The following NRXN1 variants were observed in gnomAD, a reference collection of about 807,000 sequenced individuals.
NRXN1 encodes the protein neurexin 1.
In NRXN1, 39 loss-of-function variants were observed where a neutral mutation model predicts 150.9. That is an observed-to-expected ratio of 0.26 (90% CI 0.20 to 0.34). The LOEUF (loss-of-function observed/expected upper bound fraction) is 0.34. Ranked by LOEUF, NRXN1 falls within the 10% of genes least tolerant of loss-of-function variation. The probability of loss-of-function intolerance (pLI) is 1.00; values close to 1 mark genes in which losing one functional copy is unlikely to be tolerated. For missense variants in NRXN1, 1,815 were observed against 1,949.9 expected (o/e 0.93, Z 1.30); for synonymous variants, 924 against 757.0 (o/e 1.22, Z -3.62).
intron 13 of NRXN1, among the ~76,000 whole-genome samples, chr2:50,503,657 G>GT (rs559383507): frequency 3.3e-4 from 51 of 152,270 alleles, no homozygotes; most frequent in African/African-American, 1.2e-3. Flanking sequence ...TGTGGAAGGA[G>GT]TGCTGGAGTT....
rs1431563524 is a variant in NRXN1, at chr2:51,028,909, G to C, written c.-636C>G. ...AACCCGAGGATAGCTTCAAAGGCCT[G>C]CTTCTTCTGTCATAGCATGGGCTTC... On this transcript the variant is annotated 5_prime_UTR_variant, in exon 2 of 23. Coordinates refer to ENST00000401669, the MANE Select transcript of NRXN1 (RefSeq NM_001330078.2). The C allele has an allele frequency of 6.6e-6, 1 of 152,200 alleles. No homozygotes were observed. The highest frequency in any genetic ancestry group is 1.5e-5 in the Non-Finnish European group (1 of 68,058). The allele number at this position is 152,200 out of a possible 1,614,324, so 9.4% of individuals were successfully genotyped here.
In NRXN1 at chr2:50,219,998, ATATTATATAATATAT is replaced by A. The variant is rs1559116459; in HGVS notation, c.3546+16776_3546+16790del. Among the ~76,000 whole-genome samples, 142 of 39,476 alleles carry A rather than the reference ATATTATATAATATAT, an allele frequency of 3.6e-3. 1 individual carries two copies. The highest frequency in any genetic ancestry group is 0.016 in the African/African-American group (133 of 8,368). The allele number at this position is 39,476 out of a possible 152,430, so 25.9% of individuals were successfully genotyped here. A position where few individuals can be genotyped will look rare whatever the true frequency, so the allele number is the denominator to read the frequency against. On this transcript the variant is annotated intron_variant, in intron 18 of 22. Coordinates refer to ENST00000401669, the MANE Select transcript of NRXN1 (RefSeq NM_001330078.2). Reference sequence around the variant, plus strand: ...ATAATATATATATTATATATAATATATATTATATAATATATTATATATATATATAAAGAAAATATT... The same window carrying A: ...ATAATATATATATTATATATAATATATATATATATATATAAAGAAAATATT...
intron 2 of NRXN1, among the ~76,000 whole-genome samples, chr2:50,997,267 C>T (rs1367300232): frequency 6.6e-6 from 1 of 151,840 alleles, no homozygotes; most frequent in Non-Finnish European, 1.5e-5. Flanking sequence ...AACCCCATCT[C>T]TACAAAAAAT....
intron 19 of NRXN1, among the ~76,000 whole-genome samples, chr2:50,077,647 C>G (rs1404252826): frequency 6.6e-6 from 1 of 152,060 alleles, no homozygotes; most frequent in Non-Finnish European, 1.5e-5. Context: ...GGCATGTTAT[C>G]AATTAGGTGA....
intron 5 of NRXN1, among the ~76,000 whole-genome samples, chr2:50,790,032 C>G (rs1033130090): frequency 6.6e-6 from 1 of 151,966 alleles, no homozygotes; most frequent in African/African-American, 2.4e-5. Flanking sequence ...ACATGCTGGC[C>G]TCTCATATTT....
At chr2:50,779,599 T>A (rs1574448709) in intron 5 of NRXN1, among the ~76,000 whole-genome samples, 1 of 151,914 alleles carries the variant, frequency 6.6e-6, no homozygotes, top group Non-Finnish European at 1.5e-5. Context: ...AAACCCCATC[T>A]CTACTAAAAA....
chr2:50,703,518 T>G (rs1280379768), intron 5 of NRXN1, among the ~76,000 whole-genome samples: 1 of 152,140 alleles, frequency 6.6e-6, no homozygotes, highest in African/African-American at 2.4e-5. Flanking sequence ...TCATATGTTA[T>G]AGTCCATTTG....
At chr2:50,172,120 G>T (rs1235735434) in intron 18 of NRXN1, among the ~76,000 whole-genome samples, 1 of 151,982 alleles carries the variant, frequency 6.6e-6, no homozygotes, top group African/African-American at 2.4e-5. Context: ...GAAGATAATG[G>T]GGTTATTATA....
intron 2 of NRXN1, among the ~76,000 whole-genome samples, chr2:51,014,773 G>GA (rs934771595): frequency 6.1e-4 from 93 of 152,030 alleles, no homozygotes; most frequent in African/African-American, 2.2e-3. Flanking sequence ...TATCAAATGA[G>GA]AAAAAAGTCA....
intron 21 of NRXN1, among the ~76,000 whole-genome samples, chr2:49,983,520 T>A (rs1332329926): frequency 6.6e-6 from 1 of 152,164 alleles, no homozygotes; most frequent in Non-Finnish European, 1.5e-5. Context: ...TCTACATTTT[T>A]AATACCTTTG....
intron 5 of NRXN1, among the ~76,000 whole-genome samples, chr2:50,793,059 G>A (rs1056350629): frequency 2.0e-5 from 3 of 152,136 alleles, no homozygotes; most frequent in African/African-American, 4.8e-5. Context: ...ATTAGTTAAC[G>A]AGAGACATTT....
At chr2:50,093,666 C>T (rs183243371) in intron 18 of NRXN1, among the ~76,000 whole-genome samples, 1 of 152,034 alleles carries the variant, frequency 6.6e-6, no homozygotes, top group Non-Finnish European at 1.5e-5. Flanking sequence ...ATTACCCTAT[C>T]TACATGGACC....
At chr2:50,654,381 A>G (rs972782900) in intron 5 of NRXN1, among the ~76,000 whole-genome samples, 1 of 151,934 alleles carries the variant, frequency 6.6e-6, no homozygotes, top group Non-Finnish European at 1.5e-5. Context: ...AGGGCTGCAT[A>G]GTATTCCATG....
intron 5 of NRXN1, among the ~76,000 whole-genome samples, chr2:50,742,522 C>T (rs1378765891): frequency 6.7e-6 from 1 of 149,554 alleles, no homozygotes; most frequent in Non-Finnish European, 1.5e-5. Flanking sequence ...GCAGGAGAAT[C>T]GTTTGAGCCC....
intron 5 of NRXN1, among the ~76,000 whole-genome samples, chr2:50,770,561 A>G (rs1487028250): frequency 6.6e-6 from 1 of 152,056 alleles, no homozygotes; most frequent in African/African-American, 2.4e-5. Context: ...TAATTTTTAG[A>G]TCATTTATCA....
At chr2:50,425,527 G>A (rs980399919) in intron 17 of NRXN1, among the ~76,000 whole-genome samples, 8 of 152,140 alleles carry the variant, frequency 5.3e-5, no homozygotes, top group African/African-American at 1.9e-4. Flanking sequence ...GGCAGAGATG[G>A]AAGAGGTGGA....
intron 5 of NRXN1, among the ~76,000 whole-genome samples, chr2:50,799,284 C>T (rs573638306): frequency 6.6e-6 from 1 of 152,206 alleles, no homozygotes; most frequent in East Asian, 1.9e-4. Context: ...TGTTTGGATT[C>T]CAGTACAAAG....
Position 49,943,788 on chromosome 2 carries a change from T to C in NRXN1, c.4132A>G (p.Thr1378Ala). ...GCTGAGGCCACAAGGATGTCATCTG[T>C]GGTCTGCAAAAGAATCACATTCAGT... Reference protein sequence around the residue: ...PPTKEPISQTTDDILVASAEC... With the variant: ...PPTKEPISQTADDILVASAEC... Residue 1378 changes from threonine (T) to alanine (A), a missense_variant, in exon 22 of 23, where the codon ACA becomes GCA. This residue lies in a region of NRXN1 where 265 missense variants were observed against 307.1 expected (regional missense o/e 0.86). Transcript: ENST00000401669. The C allele has an allele frequency of 6.2e-7, 1 of 1,608,638 alleles. No individual in the cohort carries two copies. Among genetic ancestry groups the C allele is most frequent in the Non-Finnish European group, 8.5e-7 (1 of 1,176,574 alleles).
chr2:50,504,754 G>A (rs2092133826), intron 13 of NRXN1, among the ~76,000 whole-genome samples: 1 of 152,070 alleles, frequency 6.6e-6, no homozygotes, highest in African/African-American at 2.4e-5. Flanking sequence ...TTTCCTGAAA[G>A]TCTACGAAAT....
Sources: gnomAD v4.1 joint callset for allele counts (sites outside exome capture counted in the v4.1 genomes callset) on GRCh38, gnomAD v4.1.1 for gene constraint, gnomAD v4.1.1 regional missense constraint, MANE v1.5 for transcripts, NCBI Gene and HGNC (gene_info 2026-07-23, HGNC 2026-07-21) for gene names.